Variants in HBP1 observed in about 807,000 individuals in gnomAD.
The protein encoded by HBP1 is HMG box-containing protein 1.
In HBP1, 20 loss-of-function variants were observed where a neutral mutation model predicts 62.6. The ratio of observed to expected loss-of-function variants is 0.32; its 90% CI spans 0.22 to 0.46. The LOEUF (loss-of-function observed/expected upper bound fraction) is 0.46, where lower values mean the gene tolerates loss of function less well. HBP1 is among the 20% of genes least tolerant of loss of function. The pLI is 1.00. For missense variants in HBP1, 480 were observed against 611.8 expected (o/e 0.78, Z 2.27); for synonymous variants, 232 against 206.2 (o/e 1.12, Z -1.07).
At chr7:107,197,896 G>GT (rs1164745088) in intron 9 of HBP1, among the ~76,000 whole-genome samples, 9 of 152,244 alleles carry the variant, frequency 5.9e-5, no homozygotes, top group African/African-American at 2.2e-4. Context: ...TGCTCAATTT[G>GT]TTTTTCCTGA....
intron 2 of HBP1, among the ~76,000 whole-genome samples, chr7:107,181,850 T>C (rs1371418623): frequency 6.6e-6 from 1 of 152,006 alleles, no homozygotes; most frequent in Admixed American, 6.6e-5. Context: ...AGTCATCTTA[T>C]GGGGAGCTGA....
intron 1 of HBP1, chr7:107,174,406 G>A (rs901588374): frequency 2.2e-6 from 2 of 908,678 alleles, no homozygotes. Flanking sequence ...AGGTAGCTCT[G>A]TTTTGAAATT....
At chr7:107,201,315 T>TAGTAA in intron 10 of HBP1, 99 bp from the exon 11 acceptor site, 1 of 673,824 alleles carries the variant, frequency 1.5e-6, no homozygotes, top group Non-Finnish European at 2.6e-6. Flanking sequence ...TATTTTCTAA[T>TAGTAA]AGTAAATTTA....
In HBP1 at chr7:107,196,119, A is replaced by C. The variant is rs1340761500; in HGVS notation, c.1353A>C (p.Glu451Asp). The C allele has an allele frequency of 1.2e-6, 2 of 1,606,560 alleles. No individual in the cohort carries two copies. Among genetic ancestry groups the C allele is most frequent in the Non-Finnish European group, 1.7e-6 (2 of 1,173,146 alleles). ...TTTTTGCCAAAAAATACAGAGTTGA[A>C]TATACTCAGATGTATCCAGGGAAAG... The part of the protein sequence containing the change: ...FMLFAKKYRV[E>D]YTQMYPGKDN... The change falls in exon 9 of 11, where the codon GAA (glutamate) becomes GAC (aspartate). Residue 451 changes from glutamate (E) to aspartate (D), a missense_variant. Physicochemically the swap from Glu to Asp is conservative, Grantham distance 45. Coordinates refer to ENST00000222574, the MANE Select transcript of HBP1 (RefSeq NM_012257.4).
intron 1 of HBP1, 53 bp from the exon 2 acceptor site, chr7:107,179,826 C>A: frequency 8.4e-7 from 1 of 1,185,316 alleles, no homozygotes; most frequent in Non-Finnish European, 1.2e-6. Context: ...GGTTTGTGTA[C>A]TGCCCAAATT....
At position 107,190,234 on chromosome 7, in the gene HBP1, T is replaced by G. The variant is rs370981206; in HGVS notation, c.984T>G (p.Val328=). 1.2e-5 allele frequency: 20 copies of G among 1,611,852 alleles called. No homozygotes were observed. The African/African-American group carries it at 2.3e-4, about 18-fold the overall frequency. The change falls in exon 8 of 11, where the codon GTT becomes GTG. Residue 328 remains valine (V), a synonymous_variant. Coordinates refer to ENST00000222574, the MANE Select transcript of HBP1 (RefSeq NM_012257.4). ...VVQHGIPCCE[V]HIGDVCLPPG... is the part of the protein sequence containing the mutation. ...AGCATGGCATTCCATGTTGTGAAGT[T>G]CATATTGGCGATGTATGTCTACCTC...
chr7:107,200,165 TA>T lies in HBP1; in HGVS notation c.1393del (p.Ser465ValfsTer2). ...TGTAAATATTTATTTTACAGAGCCA[TA>T]AGTGTGATCCTTGGTGACAGGTGGA... ...QMYPGKDNRA[I>X]SVILGDRWKK... On this transcript the variant is annotated frameshift_variant, in exon 10 of 11. Coordinates refer to ENST00000222574, the MANE Select transcript of HBP1 (RefSeq NM_012257.4). LOFTEE classifies it high-confidence loss of function. The T allele has an allele frequency of 6.2e-7, 1 of 1,601,092 alleles. No homozygotes were observed. Among genetic ancestry groups the T allele is most frequent in the Non-Finnish European group, 8.5e-7 (1 of 1,173,852 alleles).
intron 1 of HBP1, among the ~76,000 whole-genome samples, chr7:107,170,392 A>G (rs1796495253): frequency 6.6e-6 from 1 of 152,174 alleles, no homozygotes; most frequent in Non-Finnish European, 1.5e-5. Flanking sequence ...TTTAACAGTG[A>G]TCTAAATCTG....
chr7:107,174,785 T>G, intron 1 of HBP1: 6 of 758,738 alleles, frequency 7.9e-6, no homozygotes, highest in Non-Finnish European at 9.6e-6. Flanking sequence ...TAAGGTTGAC[T>G]GTGCAGCTCA....
At chr7:107,181,633 T>A (rs1481991883) in intron 2 of HBP1, among the ~76,000 whole-genome samples, 1 of 151,878 alleles carries the variant, frequency 6.6e-6, no homozygotes, top group Non-Finnish European at 1.5e-5. Context: ...GTTTGTGGAG[T>A]TTGTAGGTAT....
intron 8 of HBP1, among the ~76,000 whole-genome samples, chr7:107,193,819 T>C (rs1394226560): frequency 6.6e-6 from 1 of 152,206 alleles, no homozygotes; most frequent in African/African-American, 2.4e-5. Flanking sequence ...GGCTCTGCAA[T>C]TGATTTGCTA....
At chr7:107,173,408 AG>A (rs1796696547) in intron 1 of HBP1, 1 of 152,212 alleles carries the variant, frequency 6.6e-6, no homozygotes, top group Non-Finnish European at 1.5e-5. Flanking sequence ...ACTTGAAAGC[AG>A]GAAGTAACCC....
chr7:107,169,047 T>G lies in HBP1; in HGVS notation c.-154T>G, dbSNP rs528181969. ...GGTTTGGTAAGTAGGAAAGTTTCGG[T>G]TGAGGAGTAAGAGCTGCCGCGGGAG... On this transcript the variant is annotated 5_prime_UTR_variant, in exon 1 of 11. Transcript: ENST00000222574. The G allele has an allele frequency of 9.3e-5, 120 of 1,287,638 alleles. 1 individual carries two copies. The South Asian group carries it at 1.4e-3, about 15-fold the overall frequency. 79.8% of individuals were successfully genotyped at this position (1,287,638 alleles called of 1,614,324 possible).
At position 107,186,448 on chromosome 7, in the gene HBP1, A is replaced by C; in HGVS notation, c.628A>C (p.Thr210Pro). Residue 210 changes from threonine to proline, a missense_variant, in exon 5 of 11, where the codon ACT becomes CCT. Coordinates refer to ENST00000222574, the MANE Select transcript of HBP1 (RefSeq NM_012257.4). ...DLGWCNSWPSTVWHCFLKGTR... is the reference protein window; with the variant it reads ...DLGWCNSWPSPVWHCFLKGTR... ...GGGATGGTGCAATTCCTGGCCTTCA[A>C]CTGTCTGGCACTGTTTTTTGAAAGG... 6.2e-7 allele frequency: 1 copy of C among 1,609,240 alleles called. No individual in the cohort carries two copies. Among genetic ancestry groups the C allele is most frequent in the East Asian group, 2.2e-5 (1 of 44,850 alleles).
rs1233148483 is a variant in HBP1 at position 107,180,127 on chromosome 7, C to T, written c.169+65C>T. 115 of 946,542 alleles carry T rather than the reference C, an allele frequency of 1.2e-4. 2 individuals carry two copies. The highest frequency in any genetic ancestry group is 9.9e-4 in the South Asian group (54 of 54,568). 58.6% of individuals were successfully genotyped at this position (946,542 alleles called of 1,614,324 possible). ...TTCAGATAAATTTTTCTACTTAGCC[C>T]GCTTCTCCACCAACCTTGACTGGCT... On this transcript the variant is annotated intron_variant, in intron 2 of 10. Coordinates refer to ENST00000222574, the MANE Select transcript of HBP1 (RefSeq NM_012257.4).
intron 7 of HBP1, among the ~76,000 whole-genome samples, chr7:107,189,673 T>A (rs1797553968): frequency 6.6e-6 from 1 of 151,978 alleles, no homozygotes; most frequent in Admixed American, 6.5e-5. Flanking sequence ...TTTAGATTCA[T>A]GTAGCATAGT....
chr7:107,188,650 T>C (rs1371782298), intron 6 of HBP1, among the ~76,000 whole-genome samples: 3 of 152,260 alleles, frequency 2.0e-5, no homozygotes, highest in African/African-American at 7.2e-5. Flanking sequence ...GTTCTATTAC[T>C]ATTGCACTTG....
chr7:107,177,178 A>G (rs1796891820), intron 1 of HBP1, among the ~76,000 whole-genome samples: 2 of 152,208 alleles, frequency 1.3e-5, no homozygotes, highest in Non-Finnish European at 2.9e-5. Flanking sequence ...CATCTTCACA[A>G]CTACTATCAG....
At chr7:107,179,304 A>G (rs1450911949) in intron 1 of HBP1, among the ~76,000 whole-genome samples, 2 of 152,194 alleles carry the variant, frequency 1.3e-5, no homozygotes, top group Non-Finnish European at 2.9e-5. Flanking sequence ...AAGTATATAC[A>G]ATGCCATTTT....
Sources: allele counts gnomAD v4.1 joint callset (sites outside exome capture counted in the v4.1 genomes callset), GRCh38; gene constraint gnomAD v4.1.1; transcripts MANE v1.5; gene names NCBI Gene and HGNC (gene_info 2026-07-23, HGNC 2026-07-21).